The following SYNDIG1 variants were observed in gnomAD, a reference collection of about 807,000 sequenced individuals.
The protein encoded by SYNDIG1 is synapse differentiation inducing 1, also known as synapse differentiation-inducing gene protein 1.
A neutral mutation model predicts 19.4 loss-of-function variants in SYNDIG1; 9 were observed. That is an observed-to-expected ratio of 0.46 (90% confidence interval 0.28 to 0.81). The LOEUF is 0.81. SYNDIG1 is among the 30% of genes least tolerant of loss of function. The probability of loss-of-function intolerance (pLI) is 0.12; values close to 1 mark genes in which losing one functional copy is unlikely to be tolerated. For missense variants in SYNDIG1, 311 were observed against 343.3 expected (o/e 0.91, Z 0.74); for synonymous variants, 141 against 145.9 (o/e 0.97, Z 0.24).
chr20:24,504,583 G>T (rs997385146), intron 1 of SYNDIG1, among the ~76,000 whole-genome samples: 1 of 152,150 alleles, frequency 6.6e-6, no homozygotes, highest in Non-Finnish European at 1.5e-5. Flanking sequence ...AGGCTGTATT[G>T]TCCCTGTGGT....
At chr20:24,576,238 A>C (rs556366757) in intron 2 of SYNDIG1, among the ~76,000 whole-genome samples, 1 of 152,372 alleles carries the variant, frequency 6.6e-6, no homozygotes, top group South Asian at 2.1e-4. Flanking sequence ...ATACTTATTT[A>C]CTAGAAAATC....
intron 2 of SYNDIG1, among the ~76,000 whole-genome samples, chr20:24,545,918 G>A (rs2057567189): frequency 6.6e-6 from 1 of 152,180 alleles, no homozygotes; most frequent in African/African-American, 2.4e-5. Flanking sequence ...TTATACTAAA[G>A]TAACATCGAT....
intron 3 of SYNDIG1, among the ~76,000 whole-genome samples, chr20:24,594,049 A>G (rs1305285123): frequency 1.3e-5 from 2 of 152,152 alleles, no homozygotes; most frequent in South Asian, 2.1e-4. Flanking sequence ...GGTATGGTTT[A>G]TCAATTTTTG....
At chr20:24,568,114 C>T (rs1294936461) in intron 2 of SYNDIG1, among the ~76,000 whole-genome samples, 1 of 152,062 alleles carries the variant, frequency 6.6e-6, no homozygotes, top group Non-Finnish European at 1.5e-5. Context: ...GCACTCCAGC[C>T]TGGGCGACAG....
At chr20:24,618,854 GGTT>G (rs1329921290) in intron 3 of SYNDIG1, among the ~76,000 whole-genome samples, 5 of 151,874 alleles carry the variant, frequency 3.3e-5, no homozygotes, top group African/African-American at 4.8e-5. Context: ...ATTTTGTGGT[GGTT>G]GTTGTTGTTT....
chr20:24,494,345 C>T (rs2056239853), intron 1 of SYNDIG1, among the ~76,000 whole-genome samples: 1 of 152,130 alleles, frequency 6.6e-6, no homozygotes, highest in Non-Finnish European at 1.5e-5. Context: ...AACCACACAG[C>T]TAGAGGAGCT....
chr20:24,534,844 C>T (rs773281272), intron 1 of SYNDIG1, among the ~76,000 whole-genome samples: 23 of 152,176 alleles, frequency 1.5e-4, no homozygotes, highest in Non-Finnish European at 2.9e-4. Context: ...GGGCTGGACA[C>T]GGTGCGGCTT....
rs532247252 is a variant in SYNDIG1 at position 24,636,252 on chromosome 20, G to A, written c.619-29094G>A. On this transcript the variant is annotated intron_variant, in intron 3 of 3. Transcript: ENST00000376862. ...GATTTTCATCTATTATTGAAGCTGC[G>A]TCATTGTTTGGGGTAAATACCCAAG... 7.9e-5 allele frequency among the ~76,000 whole-genome samples: 12 copies of A among 152,252 alleles called. No homozygotes were observed. In the South Asian group the frequency reaches 1.0e-3, roughly 13 times the overall value.
chr20:24,650,382 C>A (rs2059458382), intron 3 of SYNDIG1, among the ~76,000 whole-genome samples: 1 of 152,238 alleles, frequency 6.6e-6, no homozygotes, highest in South Asian at 2.1e-4. Flanking sequence ...TTGTGCTGAG[C>A]CCTCCAACCA....
chr20:24,641,600 T>C (rs1288886908), intron 3 of SYNDIG1, among the ~76,000 whole-genome samples: 2 of 152,176 alleles, frequency 1.3e-5, no homozygotes, highest in Non-Finnish European at 2.9e-5. Flanking sequence ...ATAACTCTAT[T>C]TTAGGGAGAA....
intron 2 of SYNDIG1, among the ~76,000 whole-genome samples, chr20:24,545,925 C>T (rs777169425): frequency 2.0e-5 from 3 of 152,150 alleles, no homozygotes; most frequent in Non-Finnish European, 2.9e-5. Flanking sequence ...AAAGTAACAT[C>T]GATGAAACAG....
intron 1 of SYNDIG1, among the ~76,000 whole-genome samples, chr20:24,524,587 A>C (rs1326895680): frequency 1.3e-5 from 2 of 151,794 alleles, no homozygotes; most frequent in South Asian, 2.1e-4. Flanking sequence ...CGGAGCTTAC[A>C]GTGAGCTGAG....
chr20:24,543,696 A>G, intron 2 of SYNDIG1, 119 bp downstream of exon 2: 1 of 1,401,154 alleles, frequency 7.1e-7, no homozygotes, highest in Admixed American at 2.1e-5. Flanking sequence ...AAAAATGCAG[A>G]AACCAAAGGC....
chr20:24,487,807 G>C (rs1302188308), intron 1 of SYNDIG1, among the ~76,000 whole-genome samples: 1 of 152,182 alleles, frequency 6.6e-6, no homozygotes, highest in Admixed American at 6.5e-5. Context: ...CCGTCAAGAA[G>C]AGGAGGTCCT....
chr20:24,602,089 A>T (rs1416572747), intron 3 of SYNDIG1, among the ~76,000 whole-genome samples: 1 of 151,986 alleles, frequency 6.6e-6, no homozygotes, highest in Non-Finnish European at 1.5e-5. Flanking sequence ...AACACTTCCA[A>T]GCTTTGTTTT....
intron 2 of SYNDIG1, 94 bp from the exon 3 acceptor site, chr20:24,584,762 G>A (rs923043535): frequency 4.9e-5 from 77 of 1,569,786 alleles, no homozygotes; most frequent in South Asian, 9.1e-5. Flanking sequence ...GAGGGCCTGC[G>A]CCAGCCAGGG....
intron 3 of SYNDIG1, among the ~76,000 whole-genome samples, chr20:24,600,954 T>C (rs1294407453): frequency 1.3e-5 from 2 of 152,206 alleles, no homozygotes; most frequent in African/African-American, 2.4e-5. Context: ...CAAAGCCACA[T>C]TGCATCTGAA....
chr20:24,646,808 G>C (rs1051399141), intron 3 of SYNDIG1, among the ~76,000 whole-genome samples: 1 of 152,016 alleles, frequency 6.6e-6, no homozygotes, highest in Admixed American at 6.6e-5. Flanking sequence ...GTTTAGTAGA[G>C]TGGAGTTTCA....
chr20:24,647,394 A>C (rs951571092), intron 3 of SYNDIG1, among the ~76,000 whole-genome samples: 2 of 152,116 alleles, frequency 1.3e-5, no homozygotes, highest in Non-Finnish European at 2.9e-5. Context: ...ATATGCCATC[A>C]AGTCACGCTT....
Sources: allele counts gnomAD v4.1 joint callset (sites outside exome capture counted in the v4.1 genomes callset), GRCh38; gene constraint gnomAD v4.1.1; transcripts MANE v1.5; gene names NCBI Gene and HGNC (gene_info 2026-07-23, HGNC 2026-07-21).